The following L3MBTL4 variants were observed in gnomAD, a reference collection of about 807,000 sequenced individuals.
L3MBTL4 encodes the protein lethal(3)malignant brain tumor-like protein 4.
In L3MBTL4, 70 loss-of-function variants were observed where a neutral mutation model predicts 84.5. That is an observed-to-expected ratio of 0.83 (90% CI 0.68 to 1.01). The LOEUF (loss-of-function observed/expected upper bound fraction) is 1.01, where lower values mean the gene tolerates loss of function less well. Ranked by LOEUF, L3MBTL4 falls within the 50% of genes least tolerant of loss-of-function variation. The probability of loss-of-function intolerance (pLI) is 0.00; values close to 1 mark genes in which losing one functional copy is unlikely to be tolerated. For missense variants in L3MBTL4, 715 were observed against 754.8 expected, an observed-to-expected ratio of 0.95 and a Z score of 0.62; for synonymous variants, 274 against 259.8, an observed-to-expected ratio of 1.05 and a Z score of -0.52.
At chr18:6,053,710 TGCA>T (rs1400436711) in intron 16 of L3MBTL4, among the ~76,000 whole-genome samples, 1 of 152,216 alleles carries the variant, frequency 6.6e-6, no homozygotes, top group Non-Finnish European at 1.5e-5. Flanking sequence ...TATGGTCCAC[TGCA>T]GCATGCGTAT....
intron 16 of L3MBTL4, among the ~76,000 whole-genome samples, chr18:6,037,024 C>T (rs1408920588): frequency 1.3e-5 from 2 of 152,126 alleles, no homozygotes; most frequent in African/African-American, 4.8e-5. Flanking sequence ...TTTTATATTC[C>T]CTGAGTCACT....
rs989104535 is a variant in L3MBTL4 at position 5,988,941 on chromosome 18, G to A, written c.1445-19379C>T. On this transcript the variant is annotated intron_variant, in intron 16 of 18. Transcript: ENST00000317931. ...TCTCTTCTCTCCTTCTGTGAGGAGC[G>A]CTTCTATACTAAGACCCTGAAGGTA... Among the ~76,000 whole-genome samples, 13 of 152,134 alleles carry A rather than the reference G, an allele frequency of 8.5e-5. No homozygotes were observed. The South Asian group carries it at 1.0e-3, about 12-fold the overall frequency.
chr18:6,313,204 G>T (rs906202326), intron 1 of L3MBTL4, among the ~76,000 whole-genome samples: 1 of 152,218 alleles, frequency 6.6e-6, no homozygotes, highest in Non-Finnish European at 1.5e-5. Flanking sequence ...ATATTACCTG[G>T]CTCACAGAAG....
intron 16 of L3MBTL4, among the ~76,000 whole-genome samples, chr18:5,981,852 G>A (rs966573180): frequency 6.6e-6 from 1 of 151,772 alleles, no homozygotes; most frequent in South Asian, 2.1e-4. Context: ...TCACACAAAA[G>A]CTATTCTGTT....
chr18:6,261,573 G>A (rs2048400824), intron 5 of L3MBTL4, among the ~76,000 whole-genome samples: 1 of 152,090 alleles, frequency 6.6e-6, no homozygotes, highest in Non-Finnish European at 1.5e-5. Context: ...CACCTCTTTT[G>A]TCATCCCTCT....
intron 14 of L3MBTL4, among the ~76,000 whole-genome samples, chr18:6,109,348 G>A (rs992344630): frequency 6.6e-6 from 1 of 152,074 alleles, no homozygotes; most frequent in Non-Finnish European, 1.5e-5. Context: ...GTGCATGTAT[G>A]TAGACAGATT....
intron 12 of L3MBTL4, among the ~76,000 whole-genome samples, chr18:6,190,178 A>G (rs151295579): frequency 0.016 from 2,508 of 152,346 alleles, 32 homozygotes; most frequent in South Asian, 0.035. Flanking sequence ...TACATACTGT[A>G]TGACCGCATT....
intron 3 of L3MBTL4, among the ~76,000 whole-genome samples, chr18:6,307,803 G>T (rs906711784): frequency 5.9e-5 from 9 of 152,272 alleles, no homozygotes; most frequent in African/African-American, 2.2e-4. Flanking sequence ...CACAGGGAGA[G>T]GGAGAATGGG....
At chr18:6,086,288 G>A (rs2058256131) in intron 15 of L3MBTL4, among the ~76,000 whole-genome samples, 1 of 152,190 alleles carries the variant, frequency 6.6e-6, no homozygotes, top group African/African-American at 2.4e-5. Flanking sequence ...TACACAAGTT[G>A]CTGTGGACAT....
chr18:6,288,862 TTA>T (rs1420348132), intron 4 of L3MBTL4, among the ~76,000 whole-genome samples: 1 of 151,550 alleles, frequency 6.6e-6, no homozygotes, highest in African/African-American at 2.4e-5. Flanking sequence ...AATATTAAAT[TTA>T]TATTATTGTT....
At position 6,414,476 on chromosome 18, in the gene L3MBTL4, G is replaced by T. The variant is rs981093283; in HGVS notation, c.-91+325C>A. ...GGCTCCAGGGCGCCCAGGTAGCCGC[G>T]CCTGGCACCCCGACCCTGCCCTCGC... On this transcript the variant is annotated intron_variant, in intron 1 of 18. Coordinates refer to ENST00000317931, the MANE Select transcript of L3MBTL4 (RefSeq NM_001330559.2). This position sits in a 1 kb window ranked among gnomAD's most constrained non-coding sequence, Gnocchi z 5.4. Among the ~76,000 whole-genome samples the T allele has an allele frequency of 1.3e-5, 2 of 152,116 alleles. No individual in the cohort carries two copies. Among genetic ancestry groups the T allele is most frequent in the Non-Finnish European group, 2.9e-5 (2 of 68,002 alleles).
intron 5 of L3MBTL4, among the ~76,000 whole-genome samples, chr18:6,244,834 G>C (rs1466183984): frequency 9.2e-5 from 14 of 152,174 alleles, no homozygotes; most frequent in Admixed American, 9.2e-4. Flanking sequence ...GAGTATGCTT[G>C]ATTCAATCAT....
intron 14 of L3MBTL4, among the ~76,000 whole-genome samples, chr18:6,094,916 G>A (rs535920111): frequency 2.0e-5 from 3 of 152,170 alleles, no homozygotes; most frequent in African/African-American, 7.2e-5. Flanking sequence ...AGAGAAGGGC[G>A]CCTTTACATG....
chr18:6,249,138 G>A (rs2047814723), intron 5 of L3MBTL4, among the ~76,000 whole-genome samples: 1 of 151,960 alleles, frequency 6.6e-6, no homozygotes, highest in South Asian at 2.1e-4. Context: ...ACTACCTCCT[G>A]TTCACTGCTT....
intron 1 of L3MBTL4, among the ~76,000 whole-genome samples, chr18:6,329,281 G>A (rs1305961214): frequency 6.6e-6 from 1 of 151,100 alleles, no homozygotes; most frequent in East Asian, 2.0e-4. Flanking sequence ...AGCCTCCCGA[G>A]TAGCTGGGAC....
intron 17 of L3MBTL4, among the ~76,000 whole-genome samples, chr18:5,968,140 A>G (rs2052445431): frequency 6.6e-6 from 1 of 152,216 alleles, no homozygotes; most frequent in Non-Finnish European, 1.5e-5. Flanking sequence ...GACTTAAACC[A>G]AGATTAAGCT....
At chr18:6,367,637 T>G (rs2053991399) in intron 1 of L3MBTL4, 1 of 152,374 alleles carries the variant, frequency 6.6e-6, no homozygotes, top group Non-Finnish European at 1.5e-5. Flanking sequence ...AGCTTGTGCA[T>G]GTTCCTCAGA....
intron 16 of L3MBTL4, chr18:6,030,745 A>G (rs1408217940): frequency 1.0e-6 from 1 of 977,318 alleles, no homozygotes; most frequent in Non-Finnish European, 1.2e-6. Context: ...TCTACTCCCT[A>G]TTTCGTTAAT....
chr18:5,969,210 A>T (rs2052508588), intron 17 of L3MBTL4, among the ~76,000 whole-genome samples, 183 bp downstream of exon 17: 1 of 152,084 alleles, frequency 6.6e-6, no homozygotes. Flanking sequence ...GGCTTTCCTC[A>T]TCTCCTCAGA....
Sources: gnomAD v4.1 joint callset for allele counts (sites outside exome capture counted in the v4.1 genomes callset) on GRCh38, gnomAD v4.1.1 for gene constraint, Gnocchi (gnomAD v3.1) non-coding constraint, MANE v1.5 for transcripts, NCBI Gene and HGNC (gene_info 2026-07-23, HGNC 2026-07-21) for gene names.